NBPF8: variants seen among roughly 807,000 people sequenced by gnomAD.
NBPF8 encodes NBPF member 8, also known as NBPF family member NBPF8.
chr1:120,455,963 G>T (rs1489137577), intron 16 of NBPF8, among the ~76,000 whole-genome samples: 2 of 152,010 alleles, frequency 1.3e-5, no homozygotes, highest in African/African-American at 4.8e-5. Flanking sequence ...ATTCTGGTAT[G>T]TTGTGTCTTT....
intron 16 of NBPF8, among the ~76,000 whole-genome samples, chr1:120,456,649 A>T (rs320829): frequency 7.1e-6 from 1 of 139,994 alleles, no homozygotes; most frequent in Non-Finnish European, 1.5e-5. Context: ...TTTTGAGCCT[A>T]TGTGTGTCTC....
At chr1:120,431,277 G>A (rs74947792) in intron 3 of NBPF8, among the ~76,000 whole-genome samples, 2 of 132,438 alleles carry the variant, frequency 1.5e-5, no homozygotes, top group Admixed American at 7.4e-5. Context: ...GTGTGTGTGT[G>A]TGTGTATATT....
intron 23 of NBPF8, 109 bp downstream of exon 21, chr1:120,464,657 G>C: frequency 1.5e-6 from 1 of 676,444 alleles, no homozygotes; most frequent in South Asian, 1.7e-5. Flanking sequence ...ATTGCCACAG[G>C]GAGGACCTAT....
chr1:120,453,458 C>T lies in NBPF8; in HGVS notation n.2362+14C>T. 2 of 725,096 alleles carry T rather than the reference C, an allele frequency of 2.8e-6. No individual in the cohort carries two copies. The highest frequency in any genetic ancestry group is 4.9e-6 in the Non-Finnish European group (2 of 404,066). The allele number at this position is 725,096 out of a possible 1,614,324, so 44.9% of individuals were successfully genotyped here. A position where few individuals can be genotyped will look rare whatever the true frequency, so the allele number is the denominator to read the frequency against. On this transcript the variant is annotated intron_variant and non_coding_transcript_variant, in intron 14 of 24. Coordinates refer to ENST00000583271, the Ensembl canonical transcript of NBPF8. ...GTCTGCCCCCAGGTAACACTGAATACTCAGGAACAATTAATGGATGGTAAC... is the reference window on the plus strand; with the variant it reads ...GTCTGCCCCCAGGTAACACTGAATATTCAGGAACAATTAATGGATGGTAAC...
chr1:120,424,171 A>G (rs1172291970), intron 1 of NBPF8, among the ~76,000 whole-genome samples: 1 of 151,794 alleles, frequency 6.6e-6, no homozygotes, highest in Non-Finnish European at 1.5e-5. Context: ...TTATATTTAC[A>G]TTTTCCTGTG....
intron 11 of NBPF8, among the ~76,000 whole-genome samples, chr1:120,449,969 C>T (rs1553248558): frequency 6.6e-6 from 1 of 152,104 alleles, no homozygotes; most frequent in East Asian, 1.9e-4. Context: ...TGGCTCACTC[C>T]TGTAATCCCA....
At chr1:120,465,780 CTCTCTCTG>C (rs1661726588) in intron 24 of NBPF8, among the ~76,000 whole-genome samples, 190 bp from the exon 23 acceptor site, 2 of 130,958 alleles carry the variant, frequency 1.5e-5, no homozygotes, top group Non-Finnish European at 3.4e-5. Flanking sequence ...CTCTGTCTCT[CTCTCTCTG>C]TCTTTCTCTT....
upstream of NBPF8, among the ~76,000 whole-genome samples, chr1:120,435,819 T>C (rs1225914950): frequency 6.6e-6 from 1 of 151,160 alleles, no homozygotes; most frequent in African/African-American, 2.4e-5. Flanking sequence ...TGAGCCTAGA[T>C]CGCGTCACTG....
At chr1:120,460,731 A>G (rs1661560767) in intron 18 of NBPF8, 107 bp downstream of exon 16, 5 of 970,582 alleles carry the variant, frequency 5.2e-6, no homozygotes, top group Non-Finnish European at 8.1e-6. Context: ...TTGTCAGACA[A>G]GTCTGAATTA....
chr1:120,466,108 T>G, exon 25 of NBPF8: 1 of 1,611,266 alleles, frequency 6.2e-7, no homozygotes, highest in South Asian at 1.1e-5. Flanking sequence ...TGTGTTTTAC[T>G]CATTTGAGGA....
At chr1:120,418,426 G>C (rs1327785905), upstream of NBPF8, among the ~76,000 whole-genome samples, 4 of 116,728 alleles carry the variant, frequency 3.4e-5, no homozygotes, top group African/African-American at 1.5e-4. Context: ...ATTGTTCTTA[G>C]GTATACTTAA....
chr1:120,431,333 T>C (rs1185406619), intron 3 of NBPF8, among the ~76,000 whole-genome samples: 1 of 97,476 alleles, frequency 1.0e-5, no homozygotes, highest in African/African-American at 5.1e-5. Flanking sequence ...TATATATATA[T>C]ATATATTTAT....
At chr1:120,449,711 C>A (rs1661205782) in intron 11 of NBPF8, among the ~76,000 whole-genome samples, 1 of 152,100 alleles carries the variant, frequency 6.6e-6, no homozygotes, top group Non-Finnish European at 1.5e-5. Flanking sequence ...TCCTCTCTAC[C>A]ATATAAGATC....
chr1:120,416,605 C>CAAAAA (rs1160932917), upstream of NBPF8, among the ~76,000 whole-genome samples: 1 of 24,228 alleles, frequency 4.1e-5, no homozygotes. Flanking sequence ...ACCCTGTCTC[C>CAAAAA]AAAAAAAAAA....
At chr1:120,454,237 A>T in intron 15 of NBPF8, 123 bp downstream of exon 13, 1 of 1,545,566 alleles carries the variant, frequency 6.5e-7, no homozygotes, top group South Asian at 1.2e-5. Flanking sequence ...CTAAACAGAT[A>T]TCAGGGAGTT....
chr1:120,463,100 T>G, intron 21 of NBPF8, 134 bp downstream of exon 19: 2 of 698,928 alleles, frequency 2.9e-6, no homozygotes. Context: ...GCATATAGGT[T>G]GTAATGAGAC....
upstream of NBPF8, among the ~76,000 whole-genome samples, chr1:120,416,379 C>CG: frequency 9.0e-6 from 1 of 110,570 alleles, no homozygotes; most frequent in Non-Finnish European, 1.8e-5. Flanking sequence ...CCAAGGTGGG[C>CG]GGATCACTTG....
chr1:120,421,623 G>A (rs1362553621), intron 1 of NBPF8, among the ~76,000 whole-genome samples: 4 of 128,716 alleles, frequency 3.1e-5, no homozygotes, highest in Admixed American at 8.1e-5. Flanking sequence ...TTTCCTTTTT[G>A]TTCTACTTTT....
upstream of NBPF8, chr1:120,433,116 C>G (rs1255778444): frequency 2.0e-5 from 3 of 152,170 alleles, no homozygotes; most frequent in Admixed American, 6.5e-5. Flanking sequence ...TTGGAAGACT[C>G]AATTTTGTTA....
Sources: allele counts gnomAD v4.1 joint callset (sites outside exome capture counted in the v4.1 genomes callset), GRCh38; gene constraint gnomAD v4.1.1; transcripts MANE v1.5; gene names NCBI Gene and HGNC (gene_info 2026-07-23, HGNC 2026-07-21).